The following SCFD2 variants were observed in gnomAD, a reference collection of about 807,000 sequenced individuals.
SCFD2 encodes the protein sec1 family domain containing 2.
Under a neutral mutation model 58.9 loss-of-function variants are expected in SCFD2, and 54 were observed. That is an observed-to-expected ratio of 0.92 (90% CI 0.74 to 1.15). The LOEUF is 1.15. Among genes scored for constraint, SCFD2 ranks in the 50% most tolerant of loss-of-function variants. The pLI is 0.00. For synonymous variants in SCFD2, 321 were observed against 335.9 expected, an observed-to-expected ratio of 0.96 and a Z score of 0.49; for missense variants, 805 against 836.6, an observed-to-expected ratio of 0.96 and a Z score of 0.47.
intron 1 of SCFD2, among the ~76,000 whole-genome samples, chr4:53,359,784 G>A (rs1734501232): frequency 6.6e-6 from 1 of 152,162 alleles, no homozygotes; most frequent in Admixed American, 6.5e-5. Flanking sequence ...TTAAAAATGT[G>A]AGCATCATGA....
At chr4:52,897,985 T>C (rs1719070475) in intron 7 of SCFD2, among the ~76,000 whole-genome samples, 1 of 152,242 alleles carries the variant, frequency 6.6e-6, no homozygotes, top group Non-Finnish European at 1.5e-5. Context: ...TGTATTTCTG[T>C]GGGATTGGTG....
intron 5 of SCFD2, among the ~76,000 whole-genome samples, chr4:53,139,543 G>A (rs1726058308): frequency 6.6e-6 from 1 of 150,706 alleles, no homozygotes; most frequent in Admixed American, 6.6e-5. Context: ...CCCCGTCTGG[G>A]AAGTGAGGAG....
At chr4:53,191,739 A>C (rs186710215) in intron 4 of SCFD2, among the ~76,000 whole-genome samples, 37 of 152,292 alleles carry the variant, frequency 2.4e-4, no homozygotes, top group Non-Finnish European at 5.1e-4. Flanking sequence ...TAAATAAGTA[A>C]CTGTCATAGA....
chr4:53,224,226 T>C (rs1432253795), intron 4 of SCFD2, among the ~76,000 whole-genome samples: 3 of 151,894 alleles, frequency 2.0e-5, no homozygotes, highest in East Asian at 1.9e-4. Context: ...CCATGTCTAC[T>C]AAAAATACAA....
At chr4:53,123,532 T>TGGGGGGG (rs11293174) in intron 5 of SCFD2, among the ~76,000 whole-genome samples, 1 of 95,378 alleles carries the variant, frequency 1.0e-5, no homozygotes, top group African/African-American at 4.4e-5. Flanking sequence ...GAGATGGGGG[T>TGGGGGGG]GGGGGGGGGG....
intron 5 of SCFD2, among the ~76,000 whole-genome samples, chr4:52,935,191 A>G (rs1720104706): frequency 6.6e-6 from 1 of 152,228 alleles, no homozygotes; most frequent in African/African-American, 2.4e-5. Flanking sequence ...TGCTTGGCAT[A>G]TGGAAGGAGC....
intron 6 of SCFD2, among the ~76,000 whole-genome samples, chr4:52,915,649 T>G (rs1452537107): frequency 3.9e-5 from 6 of 152,206 alleles, no homozygotes; most frequent in African/African-American, 1.4e-4. Flanking sequence ...TTTTAAAAAT[T>G]TGAGTATAGC....
chr4:52,921,694 C>A (rs1383992214), intron 5 of SCFD2, among the ~76,000 whole-genome samples: 5 of 152,044 alleles, frequency 3.3e-5, no homozygotes. Flanking sequence ...CTGCCCATAC[C>A]CACTCGGTCA....
intron 5 of SCFD2, among the ~76,000 whole-genome samples, chr4:53,050,970 G>A (rs770141801): frequency 2.6e-4 from 40 of 152,250 alleles, no homozygotes; most frequent in Non-Finnish European, 5.0e-4. Flanking sequence ...TCTCCTGGTA[G>A]GCGCTCTCTC....
chr4:53,289,216 C>T (rs1731762400), intron 3 of SCFD2, among the ~76,000 whole-genome samples: 1 of 151,706 alleles, frequency 6.6e-6, no homozygotes, highest in Admixed American at 6.6e-5. Context: ...AACACAAAAA[C>T]TTAGCCAGGC....
At chr4:52,899,367 T>A (rs1478894063) in intron 7 of SCFD2, among the ~76,000 whole-genome samples, 1 of 152,152 alleles carries the variant, frequency 6.6e-6, no homozygotes. Flanking sequence ...TCTCTCAGCA[T>A]TTGTTTGTCT....
chr4:52,999,276 C>T (rs1169473709), intron 5 of SCFD2, among the ~76,000 whole-genome samples: 1 of 152,196 alleles, frequency 6.6e-6, no homozygotes, highest in East Asian at 1.9e-4. Context: ...AAAGAGACTT[C>T]AGTCCAATAC....
intron 5 of SCFD2, among the ~76,000 whole-genome samples, chr4:53,074,244 T>G (rs1723906854): frequency 6.6e-6 from 1 of 152,212 alleles, no homozygotes; most frequent in African/African-American, 2.4e-5. Flanking sequence ...AGCTCCTTAT[T>G]TGTTCAAGTT....
chr4:53,169,026 C>G (rs1727096651), intron 4 of SCFD2, among the ~76,000 whole-genome samples: 1 of 152,204 alleles, frequency 6.6e-6, no homozygotes, highest in African/African-American at 2.4e-5. Context: ...TTTCACTTGA[C>G]ATAATGTACA....
chr4:53,208,859 C>G (rs1192027021), intron 4 of SCFD2, among the ~76,000 whole-genome samples: 3 of 152,162 alleles, frequency 2.0e-5, no homozygotes, highest in African/African-American at 7.2e-5. Flanking sequence ...GTGAAAGAGA[C>G]TAATCTCAAG....
intron 8 of SCFD2, among the ~76,000 whole-genome samples, chr4:52,883,243 G>A (rs977920045): frequency 6.6e-6 from 1 of 152,316 alleles, no homozygotes. Flanking sequence ...GTAGGGCCAG[G>A]GCAGCTGTGT....
chr4:53,200,275 A>G (rs916036396), intron 4 of SCFD2, among the ~76,000 whole-genome samples: 6 of 152,230 alleles, frequency 3.9e-5, no homozygotes, highest in Admixed American at 2.6e-4. Context: ...ACCAGGATAT[A>G]AGAAACAGAG....
chr4:53,271,042 T>C lies in SCFD2; in HGVS notation c.1311+2784A>G, dbSNP rs570539739. On this transcript the variant is annotated intron_variant, in intron 4 of 8. Transcript: ENST00000401642. ...CATCATTAAGGATTCAGAAAGTTTT[T>C]TTTTCTTTTTGCCTTGATGGAAAAA... is the stretch of plus-strand genomic sequence containing the variant. Among the ~76,000 whole-genome samples the C allele has an allele frequency of 2.6e-5, 4 of 152,258 alleles. No individual in the cohort carries two copies. The East Asian group carries it at 5.8e-4, about 22-fold the overall frequency.
At chr4:53,288,123 T>A in intron 3 of SCFD2, among the ~76,000 whole-genome samples, 1 of 149,532 alleles carries the variant, frequency 6.7e-6, no homozygotes, top group African/African-American at 2.5e-5. Context: ...TAATTGAGAG[T>A]TTCAACAGCA....
Sources: allele counts gnomAD v4.1 joint callset (sites outside exome capture counted in the v4.1 genomes callset), GRCh38; gene constraint gnomAD v4.1.1; transcripts MANE v1.5; gene names NCBI Gene and HGNC (gene_info 2026-07-23, HGNC 2026-07-21).